The following ZNF654 variants were observed in gnomAD, a reference collection of about 807,000 sequenced individuals.
The protein encoded by ZNF654 is melanoma-associated antigen.
In ZNF654, 19 loss-of-function variants were observed where a neutral mutation model predicts 95.3. That is an observed-to-expected ratio of 0.20 (90% CI 0.14 to 0.29). ZNF654 has a LOEUF of 0.29. Ranked by LOEUF, ZNF654 falls within the 10% of genes least tolerant of loss-of-function variation. The probability of loss-of-function intolerance (pLI) is 1.00; values close to 1 mark genes in which losing one functional copy is unlikely to be tolerated. For synonymous variants in ZNF654, 413 were observed against 457.9 expected, an observed-to-expected ratio of 0.90 and a Z score of 1.25; for missense variants, 1,046 against 1,341.0, an observed-to-expected ratio of 0.78 and a Z score of 3.44.
intron 2 of ZNF654, among the ~76,000 whole-genome samples, chr3:88,088,813 C>T (rs1708482234): frequency 6.6e-6 from 1 of 151,766 alleles, no homozygotes; most frequent in Middle Eastern, 3.2e-3. Flanking sequence ...GGCTCTGTCG[C>T]CTAGGTTGGA....
chr3:88,113,819 C>T (rs1263853818), intron 3 of ZNF654, among the ~76,000 whole-genome samples: 2 of 55,054 alleles, frequency 3.6e-5, no homozygotes, highest in Non-Finnish European at 1.1e-4. Context: ...ATACAGACAA[C>T]ATATCTTATA....
chr3:88,081,569 T>C (rs1708079271), intron 1 of ZNF654, among the ~76,000 whole-genome samples: 1 of 152,260 alleles, frequency 6.6e-6, no homozygotes, highest in Admixed American at 6.5e-5. Context: ...AGTATGGACT[T>C]ACATATATTT....
At chr3:88,123,463 A>G (rs933590276) in intron 3 of ZNF654, among the ~76,000 whole-genome samples, 1 of 152,202 alleles carries the variant, frequency 6.6e-6, no homozygotes, top group Non-Finnish European at 1.5e-5. Context: ...GGGAGTAGAC[A>G]CTAAGTGTGG....
chr3:88,077,494 G>A (rs1360955909), intron 1 of ZNF654, among the ~76,000 whole-genome samples: 2 of 86,846 alleles, frequency 2.3e-5, no homozygotes, highest in East Asian at 3.8e-4. Context: ...CACCACGCCC[G>A]GCTAATTTTT....
chr3:88,070,065 G>A (rs1559689057), intron 1 of ZNF654, among the ~76,000 whole-genome samples: 2 of 152,118 alleles, frequency 1.3e-5, no homozygotes, highest in African/African-American at 2.4e-5. Flanking sequence ...ATGCTCATGA[G>A]AGTATGAAGA....
chr3:88,089,219 C>T (rs1260338727), intron 2 of ZNF654, among the ~76,000 whole-genome samples: 2 of 144,778 alleles, frequency 1.4e-5, no homozygotes, highest in Non-Finnish European at 3.0e-5. Flanking sequence ...AGCCCGGGTG[C>T]GGTGGCTCAC....
In ZNF654 at chr3:88,139,249, A is replaced by C. The variant is rs200300980; in HGVS notation, c.1580A>C (p.Lys527Thr). Residue 527 changes from lysine to threonine, a missense_variant, in exon 8 of 9, where the codon AAG becomes ACG. Around this residue, in one of 9 missense-constraint regions of ZNF654, gnomAD observed 100 missense variants for 108.9 expected, o/e 0.92. Coordinates refer to ENST00000636215, the MANE Select transcript of ZNF654 (RefSeq NM_001350134.2). ...GVQPKGHINTKKNLTALSTSK... is the reference protein window; with the variant it reads ...GVQPKGHINTTKNLTALSTSK... ...CAGCCTAAAGGTCATATTAATACGAAGAAAAATCTTACAGCTCTCAGTACT... is the reference window on the plus strand; with the variant it reads ...CAGCCTAAAGGTCATATTAATACGACGAAAAATCTTACAGCTCTCAGTACT... 1.0e-5 allele frequency: 16 copies of C among 1,525,922 alleles called. No homozygotes were observed. In the East Asian group the frequency reaches 3.6e-4, roughly 34 times the overall value. 94.5% of individuals were successfully genotyped at this position (1,525,922 alleles called of 1,614,324 possible). A position where few individuals can be genotyped will look rare whatever the true frequency, so the allele number is the denominator to read the frequency against.
chr3:88,095,864 A>T (rs1392661105), intron 2 of ZNF654: 1 of 453,620 alleles, frequency 2.2e-6, no homozygotes, highest in Non-Finnish European at 4.2e-6. Flanking sequence ...ACTTCAGCAG[A>T]TACTCCACTT....
chr3:88,067,450 A>G (rs578249456), intron 1 of ZNF654, among the ~76,000 whole-genome samples: 1 of 152,292 alleles, frequency 6.6e-6, no homozygotes, highest in East Asian at 1.9e-4. Flanking sequence ...ATATGTGTGA[A>G]TGAGCTCACA....
intron 2 of ZNF654, among the ~76,000 whole-genome samples, chr3:88,109,355 G>GTA (rs1378703246): frequency 1.3e-5 from 2 of 152,098 alleles, no homozygotes; most frequent in Non-Finnish European, 2.9e-5. Context: ...CCTTCAGTTA[G>GTA]TATATATAGA....
chr3:88,059,657 G>A (rs1249862012), intron 1 of ZNF654, among the ~76,000 whole-genome samples, 152 bp downstream of exon 1: 1 of 151,420 alleles, frequency 6.6e-6, no homozygotes, highest in Non-Finnish European at 1.5e-5. Flanking sequence ...CCACTTATCC[G>A]GCTTGGGGTG....
intron 1 of ZNF654, among the ~76,000 whole-genome samples, chr3:88,078,250 A>G (rs1707916927): frequency 1.3e-5 from 2 of 152,196 alleles, no homozygotes; most frequent in South Asian, 4.1e-4. Flanking sequence ...ATCAACTGGT[A>G]TGAATGAAGG....
chr3:88,127,124 G>A (rs1295364236), intron 4 of ZNF654, among the ~76,000 whole-genome samples: 1 of 152,324 alleles, frequency 6.6e-6, no homozygotes, highest in African/African-American at 2.4e-5. Flanking sequence ...ATTTAAAAGT[G>A]TGGAGAGAGC....
chr3:88,119,397 A>T (rs9876502), intron 3 of ZNF654, among the ~76,000 whole-genome samples: 11 of 596 alleles, frequency 0.018, no homozygotes, highest in Non-Finnish European at 0.045. Context: ...GGGTGGGGGG[A>T]GGGGGGAGGG....
intron 2 of ZNF654, among the ~76,000 whole-genome samples, chr3:88,099,477 T>TTTA (rs752164108): frequency 2.0e-5 from 3 of 152,170 alleles, no homozygotes; most frequent in Non-Finnish European, 4.4e-5. Flanking sequence ...AAAAAACTAC[T>TTTA]TTAAAGCTCA....
chr3:88,088,752 G>GGA (rs1559701576), intron 2 of ZNF654, among the ~76,000 whole-genome samples: 1,841 of 127,052 alleles, frequency 0.014, 31 homozygotes, highest in African/African-American at 0.046. Flanking sequence ...ATTTATGTAT[G>GGA]TATGTATGTA....
At chr3:88,065,323 A>G (rs1559685645) in intron 1 of ZNF654, among the ~76,000 whole-genome samples, 1 of 151,964 alleles carries the variant, frequency 6.6e-6, no homozygotes, top group East Asian at 1.9e-4. Context: ...GTTGACTTTC[A>G]GAGTTGAGTT....
At chr3:88,131,816 A>T (rs1706482793) in intron 6 of ZNF654, among the ~76,000 whole-genome samples, 1 of 151,852 alleles carries the variant, frequency 6.6e-6, no homozygotes, top group South Asian at 2.1e-4. Context: ...TTAAAAGTTA[A>T]TTTTTACTGT....
chr3:88,085,022 T>G (rs1708263422), intron 1 of ZNF654, among the ~76,000 whole-genome samples: 1 of 152,208 alleles, frequency 6.6e-6, no homozygotes, highest in African/African-American at 2.4e-5. Context: ...AGCATCTCTG[T>G]TTTTCAAGGC....
Sources: allele counts gnomAD v4.1 joint callset (sites outside exome capture counted in the v4.1 genomes callset), GRCh38; gene constraint gnomAD v4.1.1; regional missense constraint gnomAD v4.1.1; transcripts MANE v1.5; gene names NCBI Gene and HGNC (gene_info 2026-07-23, HGNC 2026-07-21).